Variants in ATE1 observed in about 807,000 individuals in gnomAD.
ATE1 encodes the protein arginyltransferase 1.
A neutral mutation model predicts 70.5 loss-of-function variants in ATE1; 36 were observed. The ratio of observed to expected loss-of-function variants is 0.51; its 90% CI spans 0.39 to 0.67. ATE1 has a LOEUF of 0.67. Ranked by LOEUF, ATE1 falls within the 30% of genes least tolerant of loss-of-function variation. The probability of loss-of-function intolerance (pLI) is 0.00; values close to 1 mark genes in which losing one functional copy is unlikely to be tolerated. For missense variants in ATE1, 593 were observed against 629.5 expected, an observed-to-expected ratio of 0.94 and a Z score of 0.62; for synonymous variants, 232 against 219.3, an observed-to-expected ratio of 1.06 and a Z score of -0.51.
At position 121,895,436 on chromosome 10, in the gene ATE1, C is replaced by A. The variant is rs143060895; in HGVS notation, c.942+4430G>T. On this transcript the variant is annotated intron_variant, in intron 7 of 11. Transcript: ENST00000224652. Reference sequence around the variant, plus strand: ...CAGCCTGGCCAACATGGCGAAACCCCATCTCTACTAAAAATACAAAAAAAC... The same window carrying A: ...CAGCCTGGCCAACATGGCGAAACCCAATCTCTACTAAAAATACAAAAAAAC... Among the ~76,000 whole-genome samples the A allele has an allele frequency of 3.9e-5, 6 of 152,062 alleles. No individual in the cohort carries two copies. In the East Asian group the frequency reaches 9.7e-4, roughly 25 times the overall value.
At chr10:121,876,671 A>AT (rs1186721771) in intron 7 of ATE1, among the ~76,000 whole-genome samples, 4 of 152,204 alleles carry the variant, frequency 2.6e-5, no homozygotes, top group African/African-American at 9.7e-5. Flanking sequence ...TGGAATCTTA[A>AT]AAAATTGTGT....
intron 10 of ATE1, among the ~76,000 whole-genome samples, chr10:121,816,668 T>C (rs969003493): frequency 2.0e-5 from 3 of 152,332 alleles, no homozygotes; most frequent in Admixed American, 1.3e-4. Flanking sequence ...GGCACCTTGA[T>C]CTTAAACTTC....
intron 5 of ATE1, among the ~76,000 whole-genome samples, chr10:121,905,187 A>G (rs1224299740): frequency 6.6e-6 from 1 of 152,226 alleles, no homozygotes; most frequent in South Asian, 2.1e-4. Context: ...TGAGGATTAA[A>G]TGAGTTAATA....
chr10:121,832,715 T>C (rs1198143027), intron 10 of ATE1, among the ~76,000 whole-genome samples: 2 of 152,202 alleles, frequency 1.3e-5, no homozygotes, highest in Non-Finnish European at 2.9e-5. Flanking sequence ...CAATTAAACC[T>C]CTTTTTCTTC....
chr10:121,766,962 A>G (rs1945302958), intron 11 of ATE1, among the ~76,000 whole-genome samples: 1 of 152,326 alleles, frequency 6.6e-6, no homozygotes, highest in Admixed American at 6.5e-5. Context: ...AAACTAGACA[A>G]AGACAGTACA....
chr10:121,875,117 C>A (rs1422667114), intron 7 of ATE1, among the ~76,000 whole-genome samples: 4 of 129,250 alleles, frequency 3.1e-5, no homozygotes, highest in Non-Finnish European at 4.7e-5. Flanking sequence ...CCAGCCTGGG[C>A]GACAGACTGA....
chr10:121,848,981 C>A (rs188672720), intron 8 of ATE1, among the ~76,000 whole-genome samples: 2 of 151,424 alleles, frequency 1.3e-5, no homozygotes, highest in Admixed American at 1.3e-4. Context: ...GAGGCCGAAG[C>A]GGGCAGATCA....
At chr10:121,805,069 T>C (rs1000486272) in intron 10 of ATE1, among the ~76,000 whole-genome samples, 1 of 152,200 alleles carries the variant, frequency 6.6e-6, no homozygotes, top group Non-Finnish European at 1.5e-5. Context: ...TACAAGCATC[T>C]GAGTCTTCTC....
At chr10:121,806,661 G>T (rs188172352) in intron 10 of ATE1, among the ~76,000 whole-genome samples, 1 of 152,272 alleles carries the variant, frequency 6.6e-6, no homozygotes, top group Non-Finnish European at 1.5e-5. Flanking sequence ...CTTGTTCTCA[G>T]ATCCAAGCTG....
intron 4 of ATE1, 80 bp from the exon 5 acceptor site, chr10:121,911,231 A>G: frequency 6.7e-7 from 1 of 1,499,966 alleles, no homozygotes. Context: ...CAATGTTCCT[A>G]TTATCCATTG....
chr10:121,860,282 A>G (rs148366737), intron 8 of ATE1, among the ~76,000 whole-genome samples: 1 of 152,296 alleles, frequency 6.6e-6, no homozygotes, highest in East Asian at 1.9e-4. Context: ...GAATGCTAAG[A>G]AAGACCAAAG....
intron 7 of ATE1, among the ~76,000 whole-genome samples, chr10:121,897,584 T>G (rs1950827079): frequency 6.6e-6 from 1 of 152,076 alleles, no homozygotes; most frequent in African/African-American, 2.4e-5. Context: ...ATCCCAGCAC[T>G]CTGGGAGGCC....
At chr10:121,809,310 A>T (rs1351745298) in intron 10 of ATE1, among the ~76,000 whole-genome samples, 2 of 151,334 alleles carry the variant, frequency 1.3e-5, no homozygotes, top group Admixed American at 1.3e-4. Context: ...TTTCAAGTAA[A>T]AAAAAAAAAG....
intron 5 of ATE1, among the ~76,000 whole-genome samples, chr10:121,906,641 C>T (rs183502213): frequency 1.3e-3 from 200 of 152,116 alleles, no homozygotes; most frequent in Non-Finnish European, 2.4e-3. Context: ...CTCTGTCACC[C>T]AGGCTGGAGT....
intron 11 of ATE1, among the ~76,000 whole-genome samples, chr10:121,788,256 T>C (rs7092868): frequency 0.61 from 93,436 of 152,108 alleles, 28,708 homozygotes; most frequent in South Asian, 0.66. Flanking sequence ...AAGCAACATA[T>C]CTGATCAATG....
chr10:121,778,670 C>T lies in ATE1; in HGVS notation c.1378+11499G>A, dbSNP rs912263573. Among the ~76,000 whole-genome samples, 8 of 148,540 alleles carry T rather than the reference C, an allele frequency of 5.4e-5. 1 individual carries two copies. In the South Asian group the frequency reaches 1.1e-3, roughly 20 times the overall value. On this transcript the variant is annotated intron_variant, in intron 11 of 11. Transcript: ENST00000224652. ...GGCTTCCTCTGCAGTGGCGTGACAT[C>T]GGCTCACTGCAGCCTCCAGCTCCTG...
At chr10:121,874,042 C>CCCTA (rs1331706554) in intron 7 of ATE1, among the ~76,000 whole-genome samples, 4 of 152,084 alleles carry the variant, frequency 2.6e-5, no homozygotes, top group Non-Finnish European at 5.9e-5. Flanking sequence ...ACTTATTGTA[C>CCCTA]CCTACTTCCA....
intron 1 of ATE1, among the ~76,000 whole-genome samples, chr10:121,925,875 A>G (rs1952067991): frequency 1.4e-5 from 2 of 143,204 alleles, no homozygotes; most frequent in Admixed American, 1.5e-4. Context: ...GCAAAGGAGC[A>G]AGACTGCCTC....
intron 11 of ATE1, among the ~76,000 whole-genome samples, chr10:121,780,806 C>A (rs1367839903): frequency 2.0e-5 from 3 of 152,148 alleles, no homozygotes; most frequent in African/African-American, 7.2e-5. Flanking sequence ...ACCTTCTACA[C>A]CCCGTCAAAT....
Sources: gnomAD v4.1 joint callset for allele counts (sites outside exome capture counted in the v4.1 genomes callset) on GRCh38, gnomAD v4.1.1 for gene constraint, MANE v1.5 for transcripts, NCBI Gene and HGNC (gene_info 2026-07-23, HGNC 2026-07-21) for gene names.